GSG1: variants seen among roughly 807,000 people sequenced by gnomAD.
GSG1 encodes the protein germ cell-specific gene 1 protein.
A neutral mutation model predicts 30.8 loss-of-function variants in GSG1; 28 were observed. That is an observed-to-expected ratio of 0.91 (90% confidence interval 0.67 to 1.25). The LOEUF (loss-of-function observed/expected upper bound fraction) is 1.25, where lower values mean the gene tolerates loss of function less well. Ranked by LOEUF, GSG1 falls within the 50% of genes most tolerant of loss-of-function variation. GSG1 has a pLI of 0.00. For missense variants in GSG1, 435 were observed against 444.7 expected (o/e 0.98, Z 0.20); for synonymous variants, 162 against 178.0 (o/e 0.91, Z 0.71).
At position 13,089,192 on chromosome 12, in the gene GSG1, T is replaced by C; in HGVS notation, c.433+16A>G. On this transcript the variant is annotated intron_variant, in intron 3 of 6. Transcript: ENST00000651961. ...CCGTGTCCAGAAGAGTTAATGATCT[T>C]AGTGTTAACTAATACCTTTTGCTGC... 1.3e-6 allele frequency: 2 copies of C among 1,552,218 alleles called. No individual in the cohort carries two copies. Among genetic ancestry groups the C allele is most frequent in the Non-Finnish European group, 1.7e-6 (2 of 1,147,134 alleles).
chr12:13,087,065 C>T, intron 6 of GSG1, 87 bp downstream of exon 6: 1 of 821,098 alleles, frequency 1.2e-6, no homozygotes, highest in Non-Finnish European at 2.1e-6. Context: ...GAAGGCAGGG[C>T]TTCACCGAAT....
At position 13,088,072 on chromosome 12, in the gene GSG1, A is replaced by G. The variant is rs553580521; in HGVS notation, c.482-13T>C. The G allele has an allele frequency of 1.9e-6, 3 of 1,614,116 alleles. No individual in the cohort carries two copies. In the Admixed American group the frequency reaches 5.0e-5, roughly 27 times the overall value. ...AACCATAGGATTTCTGCCAGAAACC[A>G]GAGGAAGAGGGAGCGCTCACCCTGA... On this transcript the variant is annotated splice_polypyrimidine_tract_variant and intron_variant, in intron 4 of 6. Transcript: ENST00000651961.
In GSG1 at chr12:13,101,860, G is replaced by T. The variant is rs1397486726; in HGVS notation, c.48+1605C>A. 1.3e-5 allele frequency among the ~76,000 whole-genome samples: 2 copies of T among 152,138 alleles called. No individual in the cohort carries two copies. The highest frequency in any genetic ancestry group is 3.9e-4 in the East Asian group (2 of 5,188). ...CTCAGCAGATCCGAGTTCTATTTAC[G>T]ACCCAATGCACGACTGCACTGAGGA... On this transcript the variant is annotated intron_variant, in intron 1 of 6. Coordinates refer to ENST00000651961, the MANE Select transcript of GSG1 (RefSeq NM_001080555.4). The surrounding 1 kb of genome is among the most constrained non-coding windows in gnomAD (Gnocchi z 5.8).
At position 13,084,399 on chromosome 12, in the gene GSG1, TC is replaced by T. The variant is rs1024693226; in HGVS notation, c.*501del. ...CCTACTGTGTGGATGCAGGACACTG[TC>T]CCAGGCAGTGTGGAGGACTTCTGTG... On this transcript the variant is annotated 3_prime_UTR_variant, in exon 7 of 7. Transcript: ENST00000651961. 6.4e-6 allele frequency: 1 copy of T among 155,972 alleles called. No individual in the cohort carries two copies. Among genetic ancestry groups the T allele is most frequent in the African/African-American group, 2.4e-5 (1 of 41,452 alleles). The allele number at this position is 155,972 out of a possible 1,614,324, so 9.7% of individuals were successfully genotyped here. A position where few individuals can be genotyped will look rare whatever the true frequency, so the allele number is the denominator to read the frequency against.
chr12:13,086,994 G>T (rs1318034438), intron 6 of GSG1, among the ~76,000 whole-genome samples, 158 bp downstream of exon 6: 7 of 152,178 alleles, frequency 4.6e-5, no homozygotes, highest in African/African-American at 1.4e-4. Flanking sequence ...AGGGAAGAAT[G>T]GATGTGCCCT....
At chr12:13,088,989 T>C in intron 3 of GSG1, 80 bp from the exon 4 acceptor site, 1 of 1,529,302 alleles carries the variant, frequency 6.5e-7, no homozygotes, top group East Asian at 2.3e-5. Flanking sequence ...CCATAACTGG[T>C]ACTGCTCCCT....
chr12:13,088,722 C>G (rs767455373), intron 4 of GSG1, 140 bp downstream of exon 4: 1 of 1,608,296 alleles, frequency 6.2e-7, no homozygotes, highest in Non-Finnish European at 8.5e-7. Context: ...CTGTAAATTC[C>G]TTATCAGACA....
At chr12:13,096,211 C>T (rs150985566) in intron 1 of GSG1, among the ~76,000 whole-genome samples, 2 of 152,168 alleles carry the variant, frequency 1.3e-5, no homozygotes, top group South Asian at 2.1e-4. Flanking sequence ...TGGTGGATCA[C>T]GCCTGTAATC....
chr12:13,089,767 T>G (rs754948609), intron 2 of GSG1, among the ~76,000 whole-genome samples: 1 of 152,214 alleles, frequency 6.6e-6, no homozygotes, highest in Non-Finnish European at 1.5e-5. Flanking sequence ...AACGAAGTTA[T>G]AGGCTGGGCA....
intron 6 of GSG1, among the ~76,000 whole-genome samples, chr12:13,086,202 G>A (rs1249258181): frequency 6.6e-6 from 1 of 152,216 alleles, no homozygotes; most frequent in Non-Finnish European, 1.5e-5. Context: ...GCGTTGCCTA[G>A]CCTGAGCTCC....
At chr12:13,095,560 G>A in intron 1 of GSG1, 1 of 1,590,642 alleles carries the variant, frequency 6.3e-7, no homozygotes, top group Non-Finnish European at 8.6e-7. Context: ...AATAGCTGTA[G>A]ACTGCATCCT....
At chr12:13,088,115 A>T in intron 4 of GSG1, 56 bp from the exon 5 acceptor site, 1 of 1,599,996 alleles carries the variant, frequency 6.3e-7, no homozygotes, top group Non-Finnish European at 8.6e-7. Flanking sequence ...AAAACTGAAT[A>T]AGCGGTGAGC....
chr12:13,098,460 T>C (rs1862910992), intron 1 of GSG1, among the ~76,000 whole-genome samples: 1 of 33,838 alleles, frequency 3.0e-5, no homozygotes, highest in Admixed American at 3.8e-4. Context: ...TAGCCCATTT[T>C]TTTTTTTTTT....
At chr12:13,092,886 G>A (rs925758085) in intron 1 of GSG1, among the ~76,000 whole-genome samples, 3 of 151,576 alleles carry the variant, frequency 2.0e-5, no homozygotes, top group Non-Finnish European at 4.4e-5. Flanking sequence ...CCAGTTCCCG[G>A]GTTCAAGAGA....
chr12:13,096,058 T>C (rs563245606), intron 1 of GSG1, among the ~76,000 whole-genome samples: 1 of 152,206 alleles, frequency 6.6e-6, no homozygotes, highest in South Asian at 2.1e-4. Context: ...TTCCCTCGAG[T>C]AGGGTTTCCT....
At chr12:13,089,311 CACACATTTTTTTAAT>C in intron 2 of GSG1, 35 bp from the exon 3 acceptor site, 2 of 1,549,212 alleles carry the variant, frequency 1.3e-6, no homozygotes, top group South Asian at 2.4e-5. Context: ...AATGTAAATA[CACACATTTTTTTAAT>C]TCCTCTTCCA....
chr12:13,089,077 A>G lies in GSG1; in HGVS notation c.433+131T>C, dbSNP rs1290440006. On this transcript the variant is annotated intron_variant, in intron 3 of 6. Transcript: ENST00000651961. ...TGGGTGAATGAATGGCACAGCCAAGAGTCAGCCCAGGTGAATTTCTCTCTT... is the reference window on the plus strand; with the variant it reads ...TGGGTGAATGAATGGCACAGCCAAGGGTCAGCCCAGGTGAATTTCTCTCTT... The G allele has an allele frequency of 3.1e-6, 4 of 1,280,152 alleles. No individual in the cohort carries two copies. In the African/African-American group the frequency reaches 4.5e-5, roughly 14 times the overall value. 79.3% of individuals were successfully genotyped at this position (1,280,152 alleles called of 1,614,324 possible).
At chr12:13,098,863 A>G (rs776023820) in intron 1 of GSG1, among the ~76,000 whole-genome samples, 1 of 152,200 alleles carries the variant, frequency 6.6e-6, no homozygotes, top group South Asian at 2.1e-4. Context: ...TAAGTGTGTT[A>G]TATGAGGAGG....
Position 13,084,722 on chromosome 12 carries a change from G to C in GSG1, c.*179C>G. On this transcript the variant is annotated 3_prime_UTR_variant, in exon 7 of 7. Coordinates refer to ENST00000651961, the MANE Select transcript of GSG1 (RefSeq NM_001080555.4). ...GGGTGAAACAAGATGGAGCTGTAGA[G>C]GAAAAGAGAGCAGTGGCACCCAGGA... 1.9e-6 allele frequency: 1 copy of C among 521,422 alleles called. No homozygotes were observed. Among genetic ancestry groups the C allele is most frequent in the South Asian group, 3.2e-5 (1 of 31,066 alleles). The allele number at this position is 521,422 out of a possible 1,614,324, so 32.3% of individuals were successfully genotyped here.
Sources: gnomAD v4.1 joint callset for allele counts (sites outside exome capture counted in the v4.1 genomes callset) on GRCh38, gnomAD v4.1.1 for gene constraint, Gnocchi (gnomAD v3.1) non-coding constraint, MANE v1.5 for transcripts, NCBI Gene and HGNC (gene_info 2026-07-23, HGNC 2026-07-21) for gene names.